Variants in CD2AP observed in about 807,000 individuals in gnomAD.
The protein encoded by CD2AP is CD2-associated protein.
Under a neutral mutation model 85.1 loss-of-function variants are expected in CD2AP, and 46 were observed. The observed-to-expected ratio is 0.54, with a 90% CI of 0.43 to 0.69. The LOEUF is 0.69. Ranked by LOEUF, CD2AP falls within the 30% of genes least tolerant of loss-of-function variation. The pLI is 0.00. For synonymous variants in CD2AP, 255 were observed against 252.9 expected, an observed-to-expected ratio of 1.01 and a Z score of -0.08; for missense variants, 769 against 729.5, an observed-to-expected ratio of 1.05 and a Z score of -0.62.
chr6:47,513,143 C>CTT (rs34297362), intron 2 of CD2AP, among the ~76,000 whole-genome samples: 2 of 136,354 alleles, frequency 1.5e-5, no homozygotes, highest in Non-Finnish European at 3.2e-5. Flanking sequence ...ATCTGAATAC[C>CTT]TTTTTTTTTT....
intron 6 of CD2AP, among the ~76,000 whole-genome samples, chr6:47,575,576 AAAGT>A (rs768081024): frequency 1.3e-5 from 2 of 152,202 alleles, no homozygotes; most frequent in Non-Finnish European, 2.9e-5. Context: ...GGGGAAAACT[AAAGT>A]AAGTATTTTA....
At chr6:47,573,927 A>G (rs143630674) in intron 5 of CD2AP, 137 bp from the exon 6 acceptor site, 27 of 736,706 alleles carry the variant, frequency 3.7e-5, no homozygotes, top group African/African-American at 3.5e-4. Context: ...GCTCTTCTGG[A>G]TATTTCAGTA....
chr6:47,601,727 C>T (rs1375759401), intron 13 of CD2AP, among the ~76,000 whole-genome samples: 1 of 151,808 alleles, frequency 6.6e-6, no homozygotes, highest in Non-Finnish European at 1.5e-5. Flanking sequence ...TCAAATACAG[C>T]CTCAAATATA....
chr6:47,513,893 G>A (rs186765227), intron 2 of CD2AP, among the ~76,000 whole-genome samples: 1 of 135,158 alleles, frequency 7.4e-6, no homozygotes, highest in Non-Finnish European at 1.6e-5. Context: ...ATTTTTTTTT[G>A]GGGGGGGGGC....
chr6:47,495,169 A>G (rs894612761), intron 1 of CD2AP, among the ~76,000 whole-genome samples: 1 of 152,136 alleles, frequency 6.6e-6, no homozygotes, highest in Admixed American at 6.5e-5. Flanking sequence ...CGTCAAAAAG[A>G]GAGAGAGAAA....
At chr6:47,558,378 A>AGAG (rs1767753107) in intron 5 of CD2AP, among the ~76,000 whole-genome samples, 2 of 152,168 alleles carry the variant, frequency 1.3e-5, no homozygotes, top group South Asian at 4.1e-4. Flanking sequence ...GAGTGATGAG[A>AGAG]GAGGACATCC....
intron 5 of CD2AP, among the ~76,000 whole-genome samples, chr6:47,558,621 T>A (rs994426274): frequency 2.0e-5 from 3 of 152,188 alleles, no homozygotes; most frequent in Admixed American, 6.5e-5. Flanking sequence ...TGATGGATTA[T>A]GTTTATTGAT....
chr6:47,534,282 C>T (rs144093446), intron 3 of CD2AP, among the ~76,000 whole-genome samples: 18 of 152,226 alleles, frequency 1.2e-4, no homozygotes, highest in Non-Finnish European at 2.5e-4. Flanking sequence ...CTTATGACCT[C>T]AGAAAGATCA....
intron 2 of CD2AP, among the ~76,000 whole-genome samples, chr6:47,507,474 G>A (rs552965051): frequency 9.0e-4 from 129 of 142,890 alleles, no homozygotes; most frequent in African/African-American, 3.0e-3. Flanking sequence ...ACGAAATGTG[G>A]GCTGGAATTT....
At chr6:47,567,128 ATGGAAAT>A (rs1351994390) in intron 5 of CD2AP, among the ~76,000 whole-genome samples, 1 of 150,170 alleles carries the variant, frequency 6.7e-6, no homozygotes, top group East Asian at 2.0e-4. Context: ...CATATGGGGT[ATGGAAAT>A]TTGGTGGTTT....
At chr6:47,507,891 C>T (rs1680115681) in intron 2 of CD2AP, among the ~76,000 whole-genome samples, 1 of 152,210 alleles carries the variant, frequency 6.6e-6, no homozygotes, top group Non-Finnish European at 1.5e-5. Context: ...TCAGATGCAT[C>T]ATCAATATGC....
At chr6:47,595,669 A>G (rs1768920119) in intron 11 of CD2AP, among the ~76,000 whole-genome samples, 192 bp from the exon 12 acceptor site, 1 of 152,054 alleles carries the variant, frequency 6.6e-6, no homozygotes, top group South Asian at 2.1e-4. Flanking sequence ...AACATTTTTT[A>G]AAGTTATTTA....
chr6:47,607,843 G>A, intron 14 of CD2AP, 84 bp from the exon 15 acceptor site: 2 of 876,920 alleles, frequency 2.3e-6, no homozygotes, highest in Non-Finnish European at 3.6e-6. Context: ...ATCCATAAAA[G>A]TTATTTGCTT....
chr6:47,497,554 G>A (rs765919127), intron 1 of CD2AP, among the ~76,000 whole-genome samples: 4 of 151,932 alleles, frequency 2.6e-5, no homozygotes, highest in Admixed American at 2.6e-4. Context: ...GGGACTGTAG[G>A]TGCGTTATCA....
chr6:47,520,856 G>A (rs1766570870), intron 2 of CD2AP, among the ~76,000 whole-genome samples: 1 of 151,494 alleles, frequency 6.6e-6, no homozygotes, highest in African/African-American at 2.4e-5. Context: ...AACACTAGTG[G>A]GCTTTTCTTG....
At chr6:47,515,417 A>G (rs1450200800) in intron 2 of CD2AP, among the ~76,000 whole-genome samples, 1 of 152,204 alleles carries the variant, frequency 6.6e-6, no homozygotes, top group East Asian at 1.9e-4. Flanking sequence ...ATAGGCTAAT[A>G]ACACTTTATA....
chr6:47,517,626 A>G (rs1766487730), intron 2 of CD2AP, among the ~76,000 whole-genome samples: 1 of 152,082 alleles, frequency 6.6e-6, no homozygotes, highest in African/African-American at 2.4e-5. Context: ...CCAGCCTCAG[A>G]TACTTCTTTA....
At chr6:47,590,419 CA>C (rs1192101544) in intron 11 of CD2AP, among the ~76,000 whole-genome samples, 1 of 151,144 alleles carries the variant, frequency 6.6e-6, no homozygotes, top group Admixed American at 6.6e-5. Flanking sequence ...CATAAGGAGA[CA>C]AAAAAGATAG....
chr6:47,619,089 C>A (rs1010778088), intron 17 of CD2AP, among the ~76,000 whole-genome samples: 1 of 151,952 alleles, frequency 6.6e-6, no homozygotes, highest in Admixed American at 6.6e-5. Context: ...AATTTTTTTC[C>A]ATACATTATT....
Sources: gnomAD v4.1 joint callset for allele counts (sites outside exome capture counted in the v4.1 genomes callset) on GRCh38, gnomAD v4.1.1 for gene constraint, MANE v1.5 for transcripts, NCBI Gene and HGNC (gene_info 2026-07-23, HGNC 2026-07-21) for gene names.